Variants in CCDC178 observed in about 807,000 individuals in gnomAD.
CCDC178 encodes coiled-coil domain containing 178.
In CCDC178, 126 loss-of-function variants were observed where a neutral mutation model predicts 117.4. The ratio of observed to expected loss-of-function variants is 1.07; its 90% confidence interval spans 0.93 to 1.24. The LOEUF is 1.24. Among genes scored for constraint, CCDC178 ranks in the 50% most tolerant of loss-of-function variants. The probability of loss-of-function intolerance (pLI) is 0.00; values close to 1 mark genes in which losing one functional copy is unlikely to be tolerated. For missense variants in CCDC178, 1,030 were observed against 986.9 expected, an observed-to-expected ratio of 1.04 and a Z score of -0.59; for synonymous variants, 283 against 313.4, an observed-to-expected ratio of 0.90 and a Z score of 1.02.
chr18:32,969,385 TTAATC>T (rs2054878960), intron 22 of CCDC178, among the ~76,000 whole-genome samples: 1 of 152,018 alleles, frequency 6.6e-6, no homozygotes, highest in South Asian at 2.1e-4. Context: ...CCTGGCCTGT[TTAATC>T]TAACATCTGA....
chr18:33,093,261 C>T (rs1449384438), intron 20 of CCDC178, among the ~76,000 whole-genome samples: 1 of 152,172 alleles, frequency 6.6e-6, no homozygotes, highest in East Asian at 1.9e-4. Context: ...ATCCCAGGAG[C>T]ACTTTCACAG....
chr18:33,293,892 A>C (rs1182327011), intron 11 of CCDC178, among the ~76,000 whole-genome samples: 5 of 152,202 alleles, frequency 3.3e-5, no homozygotes, highest in African/African-American at 4.8e-5. Context: ...ACTGTCTTTG[A>C]ATCTGATTTC....
chr18:33,142,711 A>C (rs1220721156), intron 20 of CCDC178, among the ~76,000 whole-genome samples: 2 of 152,194 alleles, frequency 1.3e-5, no homozygotes, highest in Non-Finnish European at 2.9e-5. Flanking sequence ...GAATGATATT[A>C]AACATTTTTA....
intron 21 of CCDC178, among the ~76,000 whole-genome samples, chr18:33,076,939 T>C (rs1253298367): frequency 6.6e-6 from 1 of 152,158 alleles, no homozygotes; most frequent in African/African-American, 2.4e-5. Flanking sequence ...TCTGAGACAA[T>C]GGGAGTGGAT....
intron 22 of CCDC178, among the ~76,000 whole-genome samples, chr18:32,950,869 G>A (rs561162088): frequency 6.6e-6 from 1 of 152,212 alleles, no homozygotes; most frequent in East Asian, 1.9e-4. Context: ...GACTTCTATA[G>A]CTAATACCTT....
chr18:33,059,821 T>A (rs2056893743), intron 21 of CCDC178, among the ~76,000 whole-genome samples: 1 of 152,218 alleles, frequency 6.6e-6, no homozygotes, highest in Admixed American at 6.5e-5. Context: ...AACTTGGTCA[T>A]GCCATGGTCA....
intron 21 of CCDC178, among the ~76,000 whole-genome samples, chr18:33,022,184 C>G (rs1039475241): frequency 2.0e-5 from 3 of 152,122 alleles, no homozygotes; most frequent in African/African-American, 7.2e-5. Flanking sequence ...GCTCTCAAAT[C>G]TTTTCCCATT....
chr18:33,306,230 C>T (rs1275662955), intron 11 of CCDC178, among the ~76,000 whole-genome samples: 3 of 151,896 alleles, frequency 2.0e-5, no homozygotes, highest in African/African-American at 7.3e-5. Context: ...TCATAAAGAC[C>T]TCTTTATCTA....
chr18:33,083,817 T>C (rs2057335318), intron 21 of CCDC178, among the ~76,000 whole-genome samples: 1 of 152,228 alleles, frequency 6.6e-6, no homozygotes, highest in South Asian at 2.1e-4. Flanking sequence ...AATTTATACA[T>C]TTTCATTTTA....
intron 22 of CCDC178, among the ~76,000 whole-genome samples, chr18:32,949,256 T>A (rs1417532491): frequency 6.6e-6 from 1 of 152,122 alleles, no homozygotes; most frequent in Non-Finnish European, 1.5e-5. Context: ...TTGGGGTTTC[T>A]TGAGATTTCT....
At chr18:32,958,091 G>A (rs1352940716) in intron 22 of CCDC178, 1 of 375,988 alleles carries the variant, frequency 2.7e-6, no homozygotes, top group African/African-American at 2.1e-5. Context: ...GCAAATGATG[G>A]GCTAAATTAT....
At chr18:33,042,552 C>T (rs74648961) in intron 21 of CCDC178, among the ~76,000 whole-genome samples, 13,178 of 151,816 alleles carry the variant, frequency 0.087, 762 homozygotes, top group African/African-American at 0.16. Flanking sequence ...TTATTATATG[C>T]TAGTTTAAAA....
At chr18:33,228,558 A>T (rs2059334945) in intron 15 of CCDC178, among the ~76,000 whole-genome samples, 1 of 152,248 alleles carries the variant, frequency 6.6e-6, no homozygotes, top group African/African-American at 2.4e-5. Flanking sequence ...ATCTGTGTAC[A>T]AAACCAACTC....
At chr18:33,412,828 T>G (rs1417096471) in intron 2 of CCDC178, among the ~76,000 whole-genome samples, 1 of 152,192 alleles carries the variant, frequency 6.6e-6, no homozygotes, top group Non-Finnish European at 1.5e-5. Flanking sequence ...AAAGCAATAA[T>G]ACAAACAAGG....
intron 21 of CCDC178, among the ~76,000 whole-genome samples, chr18:33,037,109 T>C (rs763205001): frequency 2.6e-5 from 4 of 151,934 alleles, no homozygotes; most frequent in Middle Eastern, 3.2e-3. Flanking sequence ...TCCACACATA[T>C]AAGCATCGAC....
chr18:32,996,662 G>C (rs972007992), intron 21 of CCDC178, among the ~76,000 whole-genome samples: 2 of 151,844 alleles, frequency 1.3e-5, no homozygotes, highest in African/African-American at 4.8e-5. Context: ...TTAAGCCATA[G>C]GAAACAGAAA....
intron 21 of CCDC178, among the ~76,000 whole-genome samples, chr18:33,074,073 T>C (rs1171861554): frequency 6.6e-6 from 1 of 152,142 alleles, no homozygotes; most frequent in Middle Eastern, 3.4e-3. Flanking sequence ...GTAATCTGAA[T>C]GAGGAAGAGA....
intron 11 of CCDC178, among the ~76,000 whole-genome samples, chr18:33,309,737 A>G (rs1052394284): frequency 6.6e-6 from 1 of 152,078 alleles, no homozygotes; most frequent in Non-Finnish European, 1.5e-5. Flanking sequence ...AAAAATAATA[A>G]TTTTATGTAA....
chr18:33,252,797 C>G (rs1237742354), intron 14 of CCDC178, among the ~76,000 whole-genome samples: 1 of 151,732 alleles, frequency 6.6e-6, no homozygotes, highest in Non-Finnish European at 1.5e-5. Context: ...CCCTCAATTA[C>G]CAACCCCATC....
Sources: gnomAD v4.1 joint callset for allele counts (sites outside exome capture counted in the v4.1 genomes callset) on GRCh38, gnomAD v4.1.1 for gene constraint, MANE v1.5 for transcripts, NCBI Gene and HGNC (gene_info 2026-07-23, HGNC 2026-07-21) for gene names.